Variants in UNC13C observed in about 807,000 individuals in gnomAD.
The protein encoded by UNC13C is unc-13 homolog C.
UNC13C carries 174 observed loss-of-function variants against 245.4 expected under a neutral mutation model. That is an observed-to-expected ratio of 0.71 (90% CI 0.63 to 0.80). The LOEUF is 0.80. Ranked by LOEUF, UNC13C falls within the 30% of genes least tolerant of loss-of-function variation. UNC13C has a pLI of 0.00. For missense variants in UNC13C, 2,829 were observed against 2,602.9 expected (o/e 1.09, Z -1.89); for synonymous variants, 992 against 895.1 (o/e 1.11, Z -1.93).
At chr15:54,468,541 T>G (rs1892297402) in intron 19 of UNC13C, among the ~76,000 whole-genome samples, 1 of 151,638 alleles carries the variant, frequency 6.6e-6, no homozygotes, top group South Asian at 2.1e-4. Context: ...GTCGTGAAGA[T>G]TTTCCCCTGT....
chr15:53,969,328 A>C, the UNC13C span, among the ~76,000 whole-genome samples: 20 of 152,308 alleles, frequency 1.3e-4, no homozygotes, highest in African/African-American at 4.8e-4. Context: ...GCAGCATTCT[A>C]TCCTCTAACT....
chr15:54,241,095 C>T (rs1020456973), intron 7 of UNC13C, among the ~76,000 whole-genome samples: 4 of 152,038 alleles, frequency 2.6e-5, no homozygotes, highest in Non-Finnish European at 2.9e-5. Context: ...TAGGCAAGAT[C>T]GTTTAAACCA....
intron 1 of UNC13C, among the ~76,000 whole-genome samples, chr15:54,010,021 G>T (rs1416976257): frequency 6.6e-6 from 1 of 152,190 alleles, no homozygotes; most frequent in Non-Finnish European, 1.5e-5. Context: ...CAAAGTGGAT[G>T]CTTCTCCACC....
At chr15:53,995,872 G>A (rs1894607560) in intron 1 of UNC13C, among the ~76,000 whole-genome samples, 1 of 152,146 alleles carries the variant, frequency 6.6e-6, no homozygotes, top group African/African-American at 2.4e-5. Flanking sequence ...GGAGATGAAA[G>A]GACTCGTGGA....
At chr15:54,144,068 TCAA>T (rs1189437012) in intron 4 of UNC13C, among the ~76,000 whole-genome samples, 7 of 152,282 alleles carry the variant, frequency 4.6e-5, no homozygotes, top group African/African-American at 1.7e-4. Flanking sequence ...ATTTTTCCTG[TCAA>T]CAACTCAATG....
intron 30 of UNC13C, among the ~76,000 whole-genome samples, chr15:54,600,392 G>C (rs748871412): frequency 1.6e-4 from 25 of 152,018 alleles, no homozygotes; most frequent in Non-Finnish European, 2.9e-4. Context: ...ATCACCAAAG[G>C]CAAAGATGTA....
intron 4 of UNC13C, among the ~76,000 whole-genome samples, chr15:54,203,313 A>G (rs928446617): frequency 1.8e-4 from 28 of 151,756 alleles, no homozygotes; most frequent in African/African-American, 5.3e-4. Flanking sequence ...TGATCCAGCA[A>G]TCCCACTACT....
chr15:54,375,124 A>G (rs1177347400), intron 17 of UNC13C, among the ~76,000 whole-genome samples: 2 of 152,238 alleles, frequency 1.3e-5, no homozygotes, highest in Non-Finnish European at 2.9e-5. Context: ...ACCTGTAAGT[A>G]GAATTACAGA....
At chr15:53,987,920 G>C (rs1894217129) in intron 1 of UNC13C, among the ~76,000 whole-genome samples, 1 of 152,010 alleles carries the variant, frequency 6.6e-6, no homozygotes, top group African/African-American at 2.4e-5. Flanking sequence ...TTTCTTCTGG[G>C]TTAATTACAG....
intron 30 of UNC13C, among the ~76,000 whole-genome samples, chr15:54,595,107 C>T (rs142611700): frequency 0.014 from 2,127 of 152,304 alleles, 50 homozygotes; most frequent in African/African-American, 0.048. Context: ...AGGCATGTGT[C>T]TAAACTACTT....
intron 17 of UNC13C, among the ~76,000 whole-genome samples, chr15:54,349,511 G>T (rs78504805): frequency 6.6e-6 from 1 of 151,864 alleles, no homozygotes; most frequent in African/African-American, 2.4e-5. Flanking sequence ...ATAACCTCAC[G>T]TTGTTAATAA....
At chr15:53,943,134 C>T in the UNC13C span, among the ~76,000 whole-genome samples, 1 of 152,116 alleles carries the variant, frequency 6.6e-6, no homozygotes, top group Non-Finnish European at 1.5e-5. Context: ...TTCTCCATTC[C>T]AACCTCCATT....
chr15:54,246,413 G>GTTTTTTTT (rs11383240), intron 7 of UNC13C, among the ~76,000 whole-genome samples: 1 of 144,864 alleles, frequency 6.9e-6, no homozygotes, highest in Non-Finnish European at 1.5e-5. Flanking sequence ...TGAAAATAAT[G>GTTTTTTTT]TTTTTTTTTT....
At chr15:54,035,923 G>T (rs957500618) in intron 2 of UNC13C, among the ~76,000 whole-genome samples, 8 of 151,948 alleles carry the variant, frequency 5.3e-5, no homozygotes, top group African/African-American at 1.9e-4. Context: ...ATGAAGATAT[G>T]GTCATACATT....
At chr15:53,867,483 C>T in the UNC13C span, among the ~76,000 whole-genome samples, 1 of 152,166 alleles carries the variant, frequency 6.6e-6, no homozygotes, top group East Asian at 1.9e-4. Context: ...GTGAAAGCCG[C>T]TTTACAACTT....
At chr15:54,554,553 C>T (rs764233709) in intron 28 of UNC13C, among the ~76,000 whole-genome samples, 7 of 152,058 alleles carry the variant, frequency 4.6e-5, no homozygotes, top group Non-Finnish European at 8.8e-5. Context: ...TTCACAAAGT[C>T]ACCTACATAA....
chr15:53,919,364 A>T, the UNC13C span, among the ~76,000 whole-genome samples: 1 of 152,206 alleles, frequency 6.6e-6, no homozygotes, highest in African/African-American at 2.4e-5. Context: ...AGAAGAACTT[A>T]CTTGTCCTAG....
intron 28 of UNC13C, among the ~76,000 whole-genome samples, chr15:54,551,848 C>A (rs1024913374): frequency 6.6e-6 from 1 of 151,766 alleles, no homozygotes; most frequent in African/African-American, 2.4e-5. Flanking sequence ...TATGCAAAAA[C>A]CTGAAACTCC....
At chr15:54,221,788 A>AG (rs547194283) in intron 4 of UNC13C, among the ~76,000 whole-genome samples, 61 of 152,218 alleles carry the variant, frequency 4.0e-4, no homozygotes, top group Non-Finnish European at 7.4e-4. Flanking sequence ...TCAGATACAG[A>AG]GTATACAAAT....
Sources: allele counts gnomAD v4.1 joint callset (sites outside exome capture counted in the v4.1 genomes callset), GRCh38; gene constraint gnomAD v4.1.1; transcripts MANE v1.5; gene names NCBI Gene and HGNC (gene_info 2026-07-23, HGNC 2026-07-21).